RORA: variants seen among roughly 807,000 people sequenced by gnomAD.
The protein encoded by RORA is RAR related orphan receptor A, also known as nuclear receptor ROR-alpha.
A neutral mutation model predicts 69.5 loss-of-function variants in RORA; 7 were observed. The ratio of observed to expected loss-of-function variants is 0.10; its 90% confidence interval spans 0.06 to 0.19. The LOEUF (loss-of-function observed/expected upper bound fraction) is 0.19, where lower values mean the gene tolerates loss of function less well. Ranked by LOEUF, RORA falls within the 10% of genes least tolerant of loss-of-function variation. The probability of loss-of-function intolerance (pLI) is 1.00; values close to 1 mark genes in which losing one functional copy is unlikely to be tolerated. For synonymous variants in RORA, 261 were observed against 240.8 expected, an observed-to-expected ratio of 1.08 and a Z score of -0.78; for missense variants, 457 against 663.0, an observed-to-expected ratio of 0.69 and a Z score of 3.41.
rs10577286 is a variant in RORA, at chr15:60,671,067, G to GATATATATATATATATAT, written c.196+7572_196+7589dup. ...TCTTATATCTCCTATATATCCCATT[G>GATATATATATATATATAT]ATATATATATATATATATATATATA... On this transcript the variant is annotated intron_variant, in intron 2 of 10. Transcript: ENST00000335670. Among the ~76,000 whole-genome samples, 294 of 122,130 alleles carry GATATATATATATATATAT rather than the reference G, an allele frequency of 2.4e-3. 10 individuals are homozygous for GATATATATATATATATAT. Among genetic ancestry groups the GATATATATATATATATAT allele is most frequent in the African/African-American group, 6.4e-3 (156 of 24,522 alleles). The allele number at this position is 122,130 out of a possible 152,430, so 80.1% of individuals were successfully genotyped here.
intron 1 of RORA, among the ~76,000 whole-genome samples, chr15:61,144,659 T>C (rs995079874): frequency 1.4e-4 from 22 of 152,146 alleles, no homozygotes; most frequent in African/African-American, 5.1e-4. Flanking sequence ...GGCAACAGAG[T>C]TGTTAATACT....
At chr15:60,969,096 T>C (rs773829926) in intron 1 of RORA, among the ~76,000 whole-genome samples, 2 of 152,228 alleles carry the variant, frequency 1.3e-5, no homozygotes, top group Non-Finnish European at 2.9e-5. Context: ...AACTTCTTAC[T>C]GTACCCTATG....
intron 2 of RORA, among the ~76,000 whole-genome samples, chr15:60,657,420 A>G (rs1430411255): frequency 6.6e-6 from 1 of 152,068 alleles, no homozygotes; most frequent in African/African-American, 2.4e-5. Flanking sequence ...GACAAACCAT[A>G]TTTCTATGAA....
At chr15:60,996,833 C>G (rs906736383) in intron 1 of RORA, among the ~76,000 whole-genome samples, 1 of 151,922 alleles carries the variant, frequency 6.6e-6, no homozygotes, top group Non-Finnish European at 1.5e-5. Flanking sequence ...TGGTGTGAAC[C>G]CAGGAGGCGG....
At chr15:61,014,468 T>C (rs2140400704) in intron 1 of RORA, among the ~76,000 whole-genome samples, 1 of 152,348 alleles carries the variant, frequency 6.6e-6, no homozygotes, top group South Asian at 2.1e-4. Context: ...TTTGTCCCTA[T>C]TGAACTTCAA....
chr15:60,793,579 A>C (rs1353856444), intron 1 of RORA, among the ~76,000 whole-genome samples: 1 of 152,206 alleles, frequency 6.6e-6, no homozygotes, highest in African/African-American at 2.4e-5. Context: ...AACTACATTA[A>C]ACCATATCAG....
At chr15:61,017,245 G>C (rs1319993811) in intron 1 of RORA, among the ~76,000 whole-genome samples, 1 of 152,176 alleles carries the variant, frequency 6.6e-6, no homozygotes, top group East Asian at 1.9e-4. Context: ...CCCAGGACAG[G>C]CTTTGTGTAG....
chr15:61,177,099 G>T (rs2079635781), intron 1 of RORA, among the ~76,000 whole-genome samples: 1 of 152,218 alleles, frequency 6.6e-6, no homozygotes, highest in Non-Finnish European at 1.5e-5. Flanking sequence ...GCCATTCAGT[G>T]TTTATAACGC....
chr15:60,802,588 G>C (rs534457357), intron 1 of RORA, among the ~76,000 whole-genome samples: 1 of 152,284 alleles, frequency 6.6e-6, no homozygotes, highest in East Asian at 1.9e-4. Flanking sequence ...GTGTTTATGT[G>C]CGTGTATGTG....
At chr15:61,118,545 T>A (rs185959895) in intron 1 of RORA, among the ~76,000 whole-genome samples, 61 of 152,290 alleles carry the variant, frequency 4.0e-4, no homozygotes, top group African/African-American at 1.3e-3. Flanking sequence ...AAGGACTATA[T>A]ATCTCCATTT....
rs540213107 is a variant in RORA at position 61,036,634 on chromosome 15, G to A, written c.166+192419C>T. On this transcript the variant is annotated intron_variant, in intron 1 of 10. Coordinates refer to ENST00000335670, the MANE Select transcript of RORA (RefSeq NM_134261.3). ...AACACTCATTCTACCAAAAATGCCTGGTAATTCTCTCTAAAAATGTTTTCA... is the reference window on the plus strand; with the variant it reads ...AACACTCATTCTACCAAAAATGCCTAGTAATTCTCTCTAAAAATGTTTTCA... Among the ~76,000 whole-genome samples the A allele has an allele frequency of 3.9e-5, 6 of 151,994 alleles. No homozygotes were observed. The East Asian group carries it at 1.2e-3, about 29-fold the overall frequency.
chr15:60,613,696 CTGTGTGTGTGTGTGTGTGTG>C (rs66616801), intron 2 of RORA, among the ~76,000 whole-genome samples: 15 of 125,362 alleles, frequency 1.2e-4, no homozygotes, highest in South Asian at 2.9e-4. Context: ...AATTTGATAT[CTGTGTGTGTGTGTGTGTGTG>C]TGTGTGTGTG....
intron 1 of RORA, among the ~76,000 whole-genome samples, chr15:60,989,916 G>C (rs1301723150): frequency 6.6e-6 from 1 of 152,100 alleles, no homozygotes; most frequent in Non-Finnish European, 1.5e-5. Flanking sequence ...TATAAGAAAA[G>C]TAGTCCATTC....
rs1262414489 is a variant in RORA, at chr15:60,951,940, T to G, written c.167-273254A>C. 2.2e-3 allele frequency among the ~76,000 whole-genome samples: 327 copies of G among 150,514 alleles called. 2 individuals are homozygous for G. The highest frequency in any genetic ancestry group is 7.8e-3 in the African/African-American group (318 of 40,882). ...AGGGAATCCTCCCTAACTCATTTTA[T>G]GAGGCCAGCATCATTCTGATACCAA... On this transcript the variant is annotated intron_variant, in intron 1 of 10. Transcript: ENST00000335670.
At chr15:60,789,498 T>C (rs1397898586) in intron 1 of RORA, among the ~76,000 whole-genome samples, 2 of 152,240 alleles carry the variant, frequency 1.3e-5, no homozygotes, top group Non-Finnish European at 2.9e-5. Flanking sequence ...GTTGCCAGAA[T>C]TCCCAGCACT....
Position 60,675,090 on chromosome 15 carries a change from C to T in RORA, c.196+3567G>A, listed in dbSNP as rs544591266. 2.0e-5 allele frequency among the ~76,000 whole-genome samples: 3 copies of T among 152,292 alleles called. No individual in the cohort carries two copies. The East Asian group carries it at 5.8e-4, about 29-fold the overall frequency. ...TGGAAAGAGCTAGGATGATTTGTTGCATCTTTTCACCTCCATATTTATCCT... is the reference window on the plus strand; with the variant it reads ...TGGAAAGAGCTAGGATGATTTGTTGTATCTTTTCACCTCCATATTTATCCT... On this transcript the variant is annotated intron_variant, in intron 2 of 10. Transcript: ENST00000335670.
At chr15:60,788,991 C>T (rs912191411) in intron 1 of RORA, among the ~76,000 whole-genome samples, 3 of 152,220 alleles carry the variant, frequency 2.0e-5, no homozygotes, top group Admixed American at 6.5e-5. Context: ...AAGCGTTACC[C>T]ACAGTGGCTG....
chr15:60,933,021 A>T (rs1007013883), intron 1 of RORA, among the ~76,000 whole-genome samples: 5 of 152,154 alleles, frequency 3.3e-5, no homozygotes, highest in African/African-American at 1.2e-4. Flanking sequence ...TGCCCCCCAC[A>T]GTCATGAACT....
rs1365840664 is a variant in RORA at position 60,516,108 on chromosome 15, T to TA, written c.283-1352_283-1351insT. Among the ~76,000 whole-genome samples, 3 of 68,336 alleles carry TA rather than the reference T, an allele frequency of 4.4e-5. 1 individual carries two copies. The highest frequency in any genetic ancestry group is 8.0e-5 in the Non-Finnish European group (3 of 37,334). The allele number at this position is 68,336 out of a possible 152,430, so 44.8% of individuals were successfully genotyped here. On this transcript the variant is annotated intron_variant, in intron 3 of 10. Transcript: ENST00000335670. The stretch of plus-strand genomic sequence containing the variant: ...ATATATATTTATATATATTTATATA[T>TA]TATATTATATATATTATATTAAATA...
Sources: allele counts gnomAD v4.1 joint callset (sites outside exome capture counted in the v4.1 genomes callset), GRCh38; gene constraint gnomAD v4.1.1; transcripts MANE v1.5; gene names NCBI Gene and HGNC (gene_info 2026-07-23, HGNC 2026-07-21).